The following MAP7 variants were observed in gnomAD, a reference collection of about 807,000 sequenced individuals.
MAP7 encodes the protein microtubule associated protein 7.
MAP7 carries 52 observed loss-of-function variants against 94.8 expected under a neutral mutation model. That is an observed-to-expected ratio of 0.55 (90% confidence interval 0.44 to 0.69). The LOEUF is 0.69. MAP7 is among the 30% of genes least tolerant of loss of function. The pLI is 0.00. For synonymous variants in MAP7, 350 were observed against 357.0 expected, an observed-to-expected ratio of 0.98 and a Z score of 0.22; for missense variants, 940 against 964.6, an observed-to-expected ratio of 0.97 and a Z score of 0.34.
chr6:136,362,890 G>C (rs779411495), intron 10 of MAP7, among the ~76,000 whole-genome samples, 188 bp from the exon 11 acceptor site: 7 of 152,164 alleles, frequency 4.6e-5, no homozygotes, highest in Non-Finnish European at 8.8e-5. Context: ...AAAAAAATCA[G>C]TATGTGTAAG....
At chr6:136,466,605 T>A (rs997590013) in intron 1 of MAP7, among the ~76,000 whole-genome samples, 3 of 151,966 alleles carry the variant, frequency 2.0e-5, no homozygotes, top group Non-Finnish European at 4.4e-5. Context: ...CTAAGGACAT[T>A]AAAACAATGA....
chr6:136,361,302 G>A (rs1792698866), intron 11 of MAP7, 123 bp from the exon 12 acceptor site: 4 of 957,784 alleles, frequency 4.2e-6, no homozygotes, highest in Non-Finnish European at 6.3e-6. Flanking sequence ...ATCCCCACTG[G>A]ATGCCTTCAC....
At position 136,377,860 on chromosome 6, in the gene MAP7, G is replaced by T; in HGVS notation, c.646C>A (p.Leu216Met). ...CTGCTCTCCCATGGGCTGAGCTGCA[G>T]GCGGCGAGCTAAACGTCACCACATA... ...LLNSPDRARR[L>M]QLSPWESSVV... The change falls in exon 7 of 18, where the codon CTG becomes ATG. Residue 216 changes from leucine (L) to methionine (M), a missense_variant. Leu to Met is a conservative substitution (Grantham distance 15, BLOSUM62 2). Coordinates refer to ENST00000354570, the MANE Select transcript of MAP7 (RefSeq NM_003980.6). 6.2e-7 allele frequency: 1 copy of T among 1,612,954 alleles called. No homozygotes were observed. Among genetic ancestry groups the T allele is most frequent in the East Asian group, 2.2e-5 (1 of 44,860 alleles).
chr6:136,393,798 ATTTTTTTTTTT>A (rs61666828), intron 3 of MAP7, among the ~76,000 whole-genome samples: 4 of 84,442 alleles, frequency 4.7e-5, no homozygotes, highest in African/African-American at 1.8e-4. Context: ...ATTCAGCAAA[ATTTTTTTTTTT>A]TTTTTTTTTT....
chr6:136,408,705 T>C (rs964501004), intron 3 of MAP7, among the ~76,000 whole-genome samples: 1 of 152,160 alleles, frequency 6.6e-6, no homozygotes, highest in African/African-American at 2.4e-5. Context: ...ACCAACTATT[T>C]TTTTTTTGTT....
intron 1 of MAP7, among the ~76,000 whole-genome samples, chr6:136,498,439 A>G (rs962607978): frequency 9.2e-5 from 14 of 152,198 alleles, no homozygotes; most frequent in African/African-American, 3.4e-4. Context: ...AAATTTATGT[A>G]CTTTTCTTTC....
At position 136,381,919 on chromosome 6, in the gene MAP7, C is replaced by CACACACAGAG. The variant is rs373754692; in HGVS notation, c.637+1751_637+1752insCTCTGTGTGT. On this transcript the variant is annotated intron_variant, in intron 6 of 17. Transcript: ENST00000354570. ...ACACACACACACACACACACACACA[C>CACACACAGAG]AGAGAGAGAGAGAGAGAATGCATGG... Among the ~76,000 whole-genome samples the CACACACAGAG allele has an allele frequency of 1.4e-3, 145 of 103,024 alleles. 2 individuals carry two copies. Among genetic ancestry groups the CACACACAGAG allele is most frequent in the East Asian group, 7.8e-3 (28 of 3,612 alleles). The allele number at this position is 103,024 out of a possible 152,430, so 67.6% of individuals were successfully genotyped here. A position where few individuals can be genotyped will look rare whatever the true frequency, so the allele number is the denominator to read the frequency against.
At chr6:136,466,400 T>C (rs1807070273) in intron 1 of MAP7, among the ~76,000 whole-genome samples, 1 of 152,156 alleles carries the variant, frequency 6.6e-6, no homozygotes, top group South Asian at 2.1e-4. Flanking sequence ...TATGTTTGTC[T>C]AGTTTGCTAC....
intron 1 of MAP7, among the ~76,000 whole-genome samples, chr6:136,524,210 C>G (rs997032513): frequency 4.6e-5 from 7 of 152,064 alleles, no homozygotes; most frequent in Non-Finnish European, 1.0e-4. Flanking sequence ...TGCCACTGCA[C>G]TCCAGCCTGG....
chr6:136,492,004 C>T (rs916124502), intron 1 of MAP7, among the ~76,000 whole-genome samples: 12 of 152,184 alleles, frequency 7.9e-5, no homozygotes, highest in African/African-American at 2.9e-4. Context: ...CTGTTATGCT[C>T]CTCAACCCAT....
chr6:136,406,339 A>T (rs1480935340), intron 3 of MAP7, among the ~76,000 whole-genome samples: 4 of 152,182 alleles, frequency 2.6e-5, no homozygotes, highest in Non-Finnish European at 4.4e-5. Flanking sequence ...TTATGAATAC[A>T]TCTATGAGGA....
chr6:136,432,544 A>G (rs532291356), intron 1 of MAP7, among the ~76,000 whole-genome samples: 42 of 152,314 alleles, frequency 2.8e-4, no homozygotes, highest in South Asian at 1.0e-3. Context: ...AAAGAATGTG[A>G]AAGGTTCCCC....
chr6:136,522,255 C>T (rs890931735), intron 1 of MAP7, among the ~76,000 whole-genome samples: 1 of 152,098 alleles, frequency 6.6e-6, no homozygotes, highest in Non-Finnish European at 1.5e-5. Context: ...GCCCAGCTCG[C>T]TCCCAGTGAT....
At position 136,344,041 on chromosome 6, in the gene MAP7, T is replaced by C. The variant is rs1036286874; in HGVS notation, c.*187A>G. The C allele has an allele frequency of 6.0e-5, 21 of 352,658 alleles. No individual in the cohort carries two copies. In the East Asian group the frequency reaches 6.8e-4, roughly 11 times the overall value. 21.8% of individuals were successfully genotyped at this position (352,658 alleles called of 1,614,324 possible). On this transcript the variant is annotated 3_prime_UTR_variant, in exon 18 of 18. Coordinates refer to ENST00000354570, the MANE Select transcript of MAP7 (RefSeq NM_003980.6). ...AATGAGACGTATTTCTTTTTTCCTA[T>C]TGATGAAAATTATTAGAAAAGCTAT...
chr6:136,387,771 A>C (rs1779573085), intron 5 of MAP7, among the ~76,000 whole-genome samples: 1 of 152,232 alleles, frequency 6.6e-6, no homozygotes, highest in Admixed American at 6.5e-5. Flanking sequence ...TATCAGATTC[A>C]CACAAATAAA....
intron 2 of MAP7, among the ~76,000 whole-genome samples, chr6:136,419,391 T>C (rs1161388692): frequency 2.0e-5 from 3 of 152,242 alleles, no homozygotes; most frequent in Non-Finnish European, 4.4e-5. Context: ...ATTCTCATTG[T>C]ATTACAAATG....
chr6:136,461,822 G>C (rs965152968), intron 1 of MAP7, among the ~76,000 whole-genome samples: 1 of 152,070 alleles, frequency 6.6e-6, no homozygotes, highest in African/African-American at 2.4e-5. Flanking sequence ...ACACTATTAG[G>C]AGTTTTAGAT....
rs10674278 is a variant in MAP7 at position 136,526,291 on chromosome 6, A to ACACG, written c.67+24050_67+24051insCGTG. 1.5e-3 allele frequency: 1,528 copies of ACACG among 1,043,994 alleles called. 16 individuals are homozygous for ACACG. The African/African-American group carries it at 0.024, about 17-fold the overall frequency. The allele number at this position is 1,043,994 out of a possible 1,614,324, so 64.7% of individuals were successfully genotyped here. ...TACACGCGCGCGCACACACACACAC[A>ACACG]CACACACACTCCTTCCAGAAAAGCC... On this transcript the variant is annotated intron_variant, in intron 1 of 17. Transcript: ENST00000354570.
chr6:136,525,703 A>G (rs1827626154), intron 1 of MAP7: 1 of 948,414 alleles, frequency 1.1e-6, no homozygotes, highest in Non-Finnish European at 1.5e-6. Flanking sequence ...CTACCAGCAA[A>G]CCGTGCTAGG....
Sources: gnomAD v4.1 joint callset for allele counts (sites outside exome capture counted in the v4.1 genomes callset) on GRCh38, gnomAD v4.1.1 for gene constraint, MANE v1.5 for transcripts, NCBI Gene and HGNC (gene_info 2026-07-23, HGNC 2026-07-21) for gene names.